The following TSPAN7 variants were observed in gnomAD, a reference collection of about 807,000 sequenced individuals.
TSPAN7 encodes the protein tetraspanin 7, also known as tetraspanin-7.
A neutral mutation model predicts 17.6 loss-of-function variants in TSPAN7; 1 was observed. The ratio of observed to expected loss-of-function variants is 0.06; its 90% confidence interval spans 0.02 to 0.27. The LOEUF (loss-of-function observed/expected upper bound fraction) is 0.27. TSPAN7 is among the 10% of genes least tolerant of loss of function. The pLI is 1.00. For missense variants in TSPAN7, 112 were observed against 201.7 expected (o/e 0.56, Z 2.69); for synonymous variants, 78 against 79.0 (o/e 0.99, Z 0.07).
At chrX:38,607,880 G>A (rs1214494563) in intron 1 of TSPAN7, among the ~76,000 whole-genome samples, 2 of 108,483 alleles carry the variant, frequency 1.8e-5, no homozygotes, top group Non-Finnish European at 1.9e-5. Context: ...AAAAAAAAAG[G>A]TGGGAAAGAG....
intron 1 of TSPAN7, among the ~76,000 whole-genome samples, chrX:38,645,562 A>T (rs1012962492): frequency 2.7e-5 from 3 of 112,001 alleles, no homozygotes; most frequent in African/African-American, 9.8e-5. Context: ...GGAAAAAAAA[A>T]AAAGAAAATG....
intron 1 of TSPAN7, among the ~76,000 whole-genome samples, chrX:38,564,108 T>C (rs1417766574): frequency 9.0e-6 from 1 of 111,113 alleles, no homozygotes; most frequent in Non-Finnish European, 1.9e-5. Context: ...TTTCTTTAGC[T>C]GTTATCCCGT....
intron 1 of TSPAN7, among the ~76,000 whole-genome samples, chrX:38,645,943 C>A (rs749257281): frequency 5.0e-4 from 56 of 111,905 alleles, no homozygotes; most frequent in Non-Finnish European, 1.0e-3. Flanking sequence ...CTGTTTAAAC[C>A]TTTCATCAGC....
Position 38,619,315 on chromosome X carries a change from C to T in TSPAN7, c.82-46806C>T, listed in dbSNP as rs564960626. Among the ~76,000 whole-genome samples, 10 of 111,376 alleles carry T rather than the reference C, an allele frequency of 9.0e-5. 1 individual carries two copies. Among genetic ancestry groups the T allele is most frequent in the African/African-American group, 3.3e-4 (10 of 30,609 alleles). On this transcript the variant is annotated intron_variant, in intron 1 of 7. Transcript: ENST00000378482. ...TGTTGCATTCGCTCTGCTTTGAGTACTTGGTGCTTCCTAAAAGAGCACAGC... is the reference window on the plus strand; with the variant it reads ...TGTTGCATTCGCTCTGCTTTGAGTATTTGGTGCTTCCTAAAAGAGCACAGC...
chrX:38,670,645 TG>T (rs966424713), intron 2 of TSPAN7, among the ~76,000 whole-genome samples: 2 of 112,414 alleles, frequency 1.8e-5, no homozygotes, highest in Non-Finnish European at 3.8e-5. Flanking sequence ...TTTGGCTTCT[TG>T]GGCCCAGATG....
At chrX:38,575,301 C>G (rs1252762039) in intron 1 of TSPAN7, among the ~76,000 whole-genome samples, 1 of 111,610 alleles carries the variant, frequency 9.0e-6, no homozygotes, top group Non-Finnish European at 1.9e-5. Flanking sequence ...GATTTTTGAC[C>G]CACAGAAACT....
intron 1 of TSPAN7, among the ~76,000 whole-genome samples, chrX:38,623,511 C>A (rs773597617): frequency 9.3e-4 from 102 of 109,626 alleles, no homozygotes; most frequent in African/African-American, 3.4e-3. Flanking sequence ...TCCCTTAATG[C>A]AGGGTGGGTT....
At chrX:38,603,065 C>T (rs2069354951) in intron 1 of TSPAN7, among the ~76,000 whole-genome samples, 1 of 111,901 alleles carries the variant, frequency 8.9e-6, no homozygotes, top group Admixed American at 9.5e-5. Flanking sequence ...ATGAAGAATT[C>T]TTACAAGTCA....
At position 38,681,281 on chromosome X, in the gene TSPAN7, C is replaced by G; in HGVS notation, c.675C>G (p.Phe225Leu). The change falls in exon 6 of 8, where the codon TTC (phenylalanine) becomes TTG (leucine). Residue 225 changes from phenylalanine (F) to leucine (L), a missense_variant. Physicochemically the swap from Phe to Leu is conservative, Grantham distance 22. Coordinates refer to ENST00000378482, the MANE Select transcript of TSPAN7 (RefSeq NM_004615.4). ...CTGGAGTGGCGTTTGGAATCGCATTCTCCCAGGTAGCCTACATAATTGTGC... is the reference window on the plus strand; with the variant it reads ...CTGGAGTGGCGTTTGGAATCGCATTGTCCCAGGTAGCCTACATAATTGTGC... ...IIAGVAFGIA[F>L]SQLIGMLLAC... 8.3e-7 allele frequency: 1 copy of G among 1,205,431 alleles called. No homozygotes were observed. The highest frequency in any genetic ancestry group is 1.1e-6 in the Non-Finnish European group (1 of 889,908).
intron 1 of TSPAN7, chrX:38,608,117 G>C (rs2069395175): frequency 9.1e-6 from 1 of 110,048 alleles, no homozygotes; most frequent in Non-Finnish European, 1.9e-5. Flanking sequence ...AGTAAATTGG[G>C]GACACTTAAG....
intron 1 of TSPAN7, among the ~76,000 whole-genome samples, chrX:38,569,741 A>T (rs888390674): frequency 9.0e-5 from 10 of 111,351 alleles, no homozygotes; most frequent in Non-Finnish European, 1.7e-4. Flanking sequence ...GGTTAAAAAC[A>T]TTCTTTTAGT....
intron 1 of TSPAN7, among the ~76,000 whole-genome samples, chrX:38,657,497 C>G (rs1436321540): frequency 8.9e-6 from 1 of 111,914 alleles, no homozygotes; most frequent in East Asian, 2.8e-4. Flanking sequence ...CTAAACTCCC[C>G]AGGATGAGTA....
At chrX:38,582,099 C>T (rs986469398) in intron 1 of TSPAN7, among the ~76,000 whole-genome samples, 1 of 112,227 alleles carries the variant, frequency 8.9e-6, no homozygotes, top group African/African-American at 3.2e-5. Context: ...TGACCAGTCA[C>T]GTATACTGCC....
At chrX:38,626,931 G>A (rs2069526127) in intron 1 of TSPAN7, among the ~76,000 whole-genome samples, 1 of 111,238 alleles carries the variant, frequency 9.0e-6, no homozygotes, top group Non-Finnish European at 1.9e-5. Context: ...GGGGTAATTT[G>A]GCTCTGCTTC....
chrX:38,622,974 T>C (rs2069497452), intron 1 of TSPAN7: 1 of 330,081 alleles, frequency 3.0e-6, no homozygotes, highest in African/African-American at 2.6e-5. Context: ...GTATGGAAGA[T>C]GGAACCGAAG....
chrX:38,683,322 A>G (rs753964016), intron 6 of TSPAN7, among the ~76,000 whole-genome samples: 1 of 112,855 alleles, frequency 8.9e-6, no homozygotes, highest in South Asian at 3.7e-4. Flanking sequence ...GTATGATTAG[A>G]CAAATAATTA....
chrX:38,567,965 G>A (rs1329922898), intron 1 of TSPAN7, among the ~76,000 whole-genome samples: 3 of 111,790 alleles, frequency 2.7e-5, no homozygotes, highest in Non-Finnish European at 5.6e-5. Flanking sequence ...ATGATTACTT[G>A]CATAGCTTTT....
intron 1 of TSPAN7, among the ~76,000 whole-genome samples, chrX:38,643,504 A>T (rs1347644602): frequency 1.8e-5 from 2 of 109,866 alleles, no homozygotes; most frequent in Non-Finnish European, 3.8e-5. Context: ...GATCAGTTCC[A>T]AAGGGACAAA....
chrX:38,676,293 G>A (rs751632101), intron 5 of TSPAN7, among the ~76,000 whole-genome samples: 14 of 111,387 alleles, frequency 1.3e-4, no homozygotes, highest in Middle Eastern at 4.6e-3. Context: ...TGCTAGGAGG[G>A]TGGCCTTTAT....
Sources: allele counts gnomAD v4.1 joint callset (sites outside exome capture counted in the v4.1 genomes callset), GRCh38; gene constraint gnomAD v4.1.1; transcripts MANE v1.5; gene names NCBI Gene and HGNC (gene_info 2026-07-23, HGNC 2026-07-21).